The following DSCAM variants were observed in gnomAD, a reference collection of about 807,000 sequenced individuals.
The protein encoded by DSCAM is DS cell adhesion molecule, also known as cell adhesion molecule DSCAM.
In DSCAM, 47 loss-of-function variants were observed where a neutral mutation model predicts 217.7. The observed-to-expected ratio is 0.22, with a 90% confidence interval of 0.17 to 0.28. DSCAM has a LOEUF of 0.28. Ranked by LOEUF, DSCAM falls within the 10% of genes least tolerant of loss-of-function variation. The pLI, the probability that DSCAM is intolerant of heterozygous loss-of-function variation, is 1.00. For synonymous variants in DSCAM, 1,056 were observed against 1,015.3 expected (o/e 1.04, Z -0.76); for missense variants, 2,080 against 2,618.3 (o/e 0.79, Z 4.49).
chr21:40,045,359 C>T lies in DSCAM; in HGVS notation c.5186-1084G>A. Among the ~76,000 whole-genome samples, 2 of 152,226 alleles carry T rather than the reference C, an allele frequency of 1.3e-5. 1 individual carries two copies. Among genetic ancestry groups the T allele is most frequent in the Non-Finnish European group, 2.9e-5 (2 of 68,050 alleles). On this transcript the variant is annotated intron_variant, in intron 30 of 32. Coordinates refer to ENST00000400454, the MANE Select transcript of DSCAM (RefSeq NM_001389.5). ...CATCTCTTCAATAGAATTGTCCTAA[C>T]TTTAACAGAGACAACTTGGGTTATT...
At chr21:40,444,427 C>A (rs718099) in intron 3 of DSCAM, among the ~76,000 whole-genome samples, 38,763 of 152,052 alleles carry the variant, frequency 0.25, 5,114 homozygotes, top group African/African-American at 0.35. Context: ...AGAGGAGAAT[C>A]AAGTAGGGCC....
At position 40,078,920 on chromosome 21, in the gene DSCAM, C is replaced by T. The variant is rs370027516; in HGVS notation, c.4478G>A (p.Arg1493Lys). The T allele has an allele frequency of 8.7e-6, 14 of 1,614,118 alleles. No individual in the cohort carries two copies. The highest frequency in any genetic ancestry group is 2.7e-5 in the African/African-American group (2 of 74,938). Reference sequence around the variant, plus strand: ...ATCATTCCAGCCAATGAGGTTCAGCCTCACGCGTGTGGTGTTGATGCTGGC... The same window carrying T: ...ATCATTCCAGCCAATGAGGTTCAGCTTCACGCGTGTGGTGTTGATGCTGGC... The part of the protein sequence containing the change: ...LFASINTTRV[R>K]LNLIGWNDGG... The change falls in exon 26 of 33, where the codon AGG becomes AAG. Residue 1493 changes from arginine to lysine, a missense_variant. Coordinates refer to ENST00000400454, the MANE Select transcript of DSCAM (RefSeq NM_001389.5).
chr21:40,454,498 A>T (rs973963987), intron 3 of DSCAM, among the ~76,000 whole-genome samples: 4 of 152,230 alleles, frequency 2.6e-5, no homozygotes, highest in African/African-American at 4.8e-5. Flanking sequence ...GCAATATAAC[A>T]ATGTAAAGGC....
At chr21:40,207,605 A>T (rs887801287) in intron 11 of DSCAM, among the ~76,000 whole-genome samples, 6 of 152,222 alleles carry the variant, frequency 3.9e-5, no homozygotes, top group African/African-American at 1.4e-4. Flanking sequence ...CAGTTACTTA[A>T]AAAGTAATTA....
At chr21:40,090,868 T>A (rs949282403) in intron 21 of DSCAM, among the ~76,000 whole-genome samples, 4 of 152,194 alleles carry the variant, frequency 2.6e-5, no homozygotes, top group Non-Finnish European at 5.9e-5. Context: ...CCTCCAAATG[T>A]CTGTACCTCC....
chr21:40,710,181 G>T (rs934367310), intron 1 of DSCAM, among the ~76,000 whole-genome samples: 26 of 151,804 alleles, frequency 1.7e-4, no homozygotes, highest in Admixed American at 5.2e-4. Context: ...TTTTGATGGG[G>T]TTTTTTTTCT....
At chr21:40,031,165 C>T (rs4816671) in intron 32 of DSCAM, among the ~76,000 whole-genome samples, 103,348 of 151,996 alleles carry the variant, frequency 0.68, 35,282 homozygotes, top group Admixed American at 0.73. Flanking sequence ...CTAATCATTG[C>T]GAAATCCTGG....
At position 40,312,235 on chromosome 21, in the gene DSCAM, T is replaced by A; in HGVS notation, c.1908A>T (p.Pro636=). 1 of 1,614,122 alleles carries A rather than the reference T, an allele frequency of 6.2e-7. No individual in the cohort carries two copies. The highest frequency in any genetic ancestry group is 1.1e-5 in the South Asian group (1 of 91,090). Residue 636 remains proline (P), a synonymous_variant, in exon 9 of 33, where the codon CCA becomes CCT. Coordinates refer to ENST00000400454, the MANE Select transcript of DSCAM (RefSeq NM_001389.5). The part of the protein sequence containing the change: ...ITITWQKDGR[P]IPGSLGVTID... The stretch of plus-strand genomic sequence containing the variant: ...TGGTCACCCCAAGGCTCCCAGGGAT[T>A]GGCCGGCCATCCTTCTGCCAGGTGA...
chr21:40,842,427 C>T (rs537791420), intron 1 of DSCAM, among the ~76,000 whole-genome samples: 1 of 152,366 alleles, frequency 6.6e-6, no homozygotes, highest in South Asian at 2.1e-4. Context: ...TTATGAGCCA[C>T]ATTCATAATC....
chr21:40,146,204 A>C (rs938852168), intron 16 of DSCAM, among the ~76,000 whole-genome samples: 1 of 140,576 alleles, frequency 7.1e-6, no homozygotes, highest in African/African-American at 2.6e-5. Flanking sequence ...GCATCTAGAA[A>C]GTGTGAGTAT....
chr21:40,725,920 C>T (rs2090951320), intron 1 of DSCAM, among the ~76,000 whole-genome samples: 1 of 152,024 alleles, frequency 6.6e-6, no homozygotes, highest in African/African-American at 2.4e-5. Flanking sequence ...TCTCATGTAC[C>T]CTTCTTCAAA....
intron 4 of DSCAM, among the ~76,000 whole-genome samples, chr21:40,359,325 A>G (rs2074732016): frequency 6.6e-6 from 1 of 152,122 alleles, no homozygotes; most frequent in African/African-American, 2.4e-5. Context: ...ACAAACCCAC[A>G]CATTTTTCTC....
intron 3 of DSCAM, among the ~76,000 whole-genome samples, chr21:40,462,861 C>T (rs543337691): frequency 6.6e-6 from 1 of 152,188 alleles, no homozygotes; most frequent in South Asian, 2.1e-4. Context: ...AATGTGGGGG[C>T]CAGGAGAAGA....
chr21:40,091,261 C>G (rs926499162), intron 21 of DSCAM, among the ~76,000 whole-genome samples: 1 of 152,138 alleles, frequency 6.6e-6, no homozygotes, highest in Non-Finnish European at 1.5e-5. Flanking sequence ...TTGCTTAAAA[C>G]CCTACACCAT....
intron 11 of DSCAM, among the ~76,000 whole-genome samples, chr21:40,225,870 G>T (rs2091328492): frequency 6.6e-6 from 1 of 152,126 alleles, no homozygotes; most frequent in African/African-American, 2.4e-5. Context: ...TCAGACACAA[G>T]TGTGTTGGTG....
At chr21:40,482,150 T>C (rs2075988709) in intron 3 of DSCAM, among the ~76,000 whole-genome samples, 1 of 152,222 alleles carries the variant, frequency 6.6e-6, no homozygotes, top group Non-Finnish European at 1.5e-5. Flanking sequence ...TTTGTGGCCA[T>C]CCTTGCATAG....
At chr21:40,298,774 C>A (rs946256893) in intron 9 of DSCAM, among the ~76,000 whole-genome samples, 25 of 152,144 alleles carry the variant, frequency 1.6e-4, no homozygotes, top group Non-Finnish European at 3.7e-4. Flanking sequence ...AGAAATTGCT[C>A]ATCAATGGAC....
intron 3 of DSCAM, among the ~76,000 whole-genome samples, chr21:40,585,436 A>G (rs74912476): frequency 0.39 from 30,750 of 78,356 alleles, 3,415 homozygotes; most frequent in East Asian, 0.51. Context: ...AAAAAAAAAA[A>G]AAAAAAAGAA....
intron 3 of DSCAM, among the ~76,000 whole-genome samples, chr21:40,561,664 ATCTT>A (rs2076721274): frequency 6.6e-6 from 1 of 152,154 alleles, no homozygotes; most frequent in South Asian, 2.1e-4. Flanking sequence ...CGGTTTTCTT[ATCTT>A]TCTCTTTCCT....
Sources: gnomAD v4.1 joint callset for allele counts (sites outside exome capture counted in the v4.1 genomes callset) on GRCh38, gnomAD v4.1.1 for gene constraint, MANE v1.5 for transcripts, NCBI Gene and HGNC (gene_info 2026-07-23, HGNC 2026-07-21) for gene names.